UBE2E2: variants seen among roughly 807,000 people sequenced by gnomAD.
The protein encoded by UBE2E2 is ubiquitin conjugating enzyme E2 E2.
UBE2E2 carries 6 observed loss-of-function variants against 24.7 expected under a neutral mutation model. The ratio of observed to expected loss-of-function variants is 0.24; its 90% CI spans 0.13 to 0.48. The LOEUF (loss-of-function observed/expected upper bound fraction) is 0.48. UBE2E2 is among the 20% of genes least tolerant of loss of function. UBE2E2 has a pLI of 0.99. For missense variants in UBE2E2, 169 were observed against 245.0 expected, an observed-to-expected ratio of 0.69 and a Z score of 2.07; for synonymous variants, 104 against 83.6, an observed-to-expected ratio of 1.24 and a Z score of -1.33.
intron 3 of UBE2E2, among the ~76,000 whole-genome samples, chr3:23,239,450 A>C (rs1697202325): frequency 6.7e-6 from 1 of 149,674 alleles, no homozygotes; most frequent in Admixed American, 6.7e-5. Context: ...CCTCCCCCCC[A>C]GCTTCTGGCA....
chr3:23,242,165 C>T (rs573958188), intron 3 of UBE2E2, among the ~76,000 whole-genome samples: 1 of 152,218 alleles, frequency 6.6e-6, no homozygotes, highest in East Asian at 1.9e-4. Flanking sequence ...CTTGACCTCC[C>T]AAATGATCCT....
chr3:23,223,916 T>A (rs57055494), intron 3 of UBE2E2, among the ~76,000 whole-genome samples: 2 of 151,926 alleles, frequency 1.3e-5, no homozygotes, highest in African/African-American at 4.8e-5. Context: ...CTTTTCCCAT[T>A]GCGTGTTATT....
intron 5 of UBE2E2, among the ~76,000 whole-genome samples, chr3:23,546,711 G>A (rs1695532657): frequency 6.6e-6 from 1 of 151,654 alleles, no homozygotes; most frequent in African/African-American, 2.4e-5. Context: ...AACCTCAGGT[G>A]ATCCGCCCAC....
chr3:23,307,102 C>G (rs1036405419), intron 3 of UBE2E2, among the ~76,000 whole-genome samples: 2 of 152,158 alleles, frequency 1.3e-5, no homozygotes, highest in Non-Finnish European at 2.9e-5. Flanking sequence ...AAAGAGTATG[C>G]TAACTTGGAG....
At chr3:23,386,520 G>C (rs1489190747) in intron 3 of UBE2E2, among the ~76,000 whole-genome samples, 1 of 152,156 alleles carries the variant, frequency 6.6e-6, no homozygotes, top group Admixed American at 6.5e-5. Flanking sequence ...AAAGGCGTGA[G>C]TTTATTCTGT....
At chr3:23,456,615 T>C (rs1698685262) in intron 3 of UBE2E2, among the ~76,000 whole-genome samples, 1 of 152,164 alleles carries the variant, frequency 6.6e-6, no homozygotes, top group Non-Finnish European at 1.5e-5. Context: ...AGCAGTAGTG[T>C]TTTGAAGAGA....
chr3:23,532,516 CTT>C (rs1429035374), intron 4 of UBE2E2, 36 bp from the exon 5 acceptor site: 1 of 1,475,782 alleles, frequency 6.8e-7, no homozygotes, highest in Non-Finnish European at 9.2e-7. Context: ...TTAATAAACA[CTT>C]TGTCTAACAA....
intron 3 of UBE2E2, among the ~76,000 whole-genome samples, chr3:23,373,181 CT>C (rs1240243121): frequency 6.6e-6 from 1 of 152,160 alleles, no homozygotes; most frequent in Non-Finnish European, 1.5e-5. Flanking sequence ...AACTTAAAGA[CT>C]CACTACTCTT....
chr3:23,347,773 C>T (rs1305513814), intron 3 of UBE2E2, among the ~76,000 whole-genome samples: 1 of 152,044 alleles, frequency 6.6e-6, no homozygotes, highest in Non-Finnish European at 1.5e-5. Context: ...CTCCCTCTCA[C>T]CAACTACTAC....
intron 3 of UBE2E2, among the ~76,000 whole-genome samples, chr3:23,255,266 T>A (rs1365352788): frequency 6.6e-6 from 1 of 151,286 alleles, no homozygotes; most frequent in Non-Finnish European, 1.5e-5. Flanking sequence ...GTAGTTTTTT[T>A]TTTTTTTGGT....
chr3:23,463,508 G>C (rs1172480554), intron 3 of UBE2E2, among the ~76,000 whole-genome samples: 1 of 151,828 alleles, frequency 6.6e-6, no homozygotes, highest in East Asian at 1.9e-4. Flanking sequence ...CATTACCCCA[G>C]GTCCCACAGA....
chr3:23,427,103 C>T (rs1177188262), intron 3 of UBE2E2, among the ~76,000 whole-genome samples: 4 of 151,604 alleles, frequency 2.6e-5, no homozygotes. Context: ...TTTGCAAACC[C>T]TAGGAGAATC....
intron 3 of UBE2E2, among the ~76,000 whole-genome samples, chr3:23,399,809 A>T (rs753836037): frequency 6.6e-6 from 1 of 152,190 alleles, no homozygotes; most frequent in Non-Finnish European, 1.5e-5. Context: ...TATCATTTGC[A>T]TCATGAAACA....
chr3:23,574,881 C>T (rs62256982), intron 5 of UBE2E2, among the ~76,000 whole-genome samples: 35,682 of 152,120 alleles, frequency 0.23, 4,272 homozygotes, highest in Admixed American at 0.29. Context: ...GTTACCAAGT[C>T]ATTTTCTTTT....
chr3:23,558,005 T>C (rs1241701484), intron 5 of UBE2E2, among the ~76,000 whole-genome samples: 3 of 152,216 alleles, frequency 2.0e-5, no homozygotes, highest in Admixed American at 2.0e-4. Flanking sequence ...CATGGCTGTC[T>C]TACTGCGTTT....
intron 5 of UBE2E2, among the ~76,000 whole-genome samples, chr3:23,586,777 G>A (rs1250054942): frequency 3.9e-5 from 6 of 151,966 alleles, no homozygotes; most frequent in Non-Finnish European, 8.8e-5. Flanking sequence ...CAGGAAATTC[G>A]TTCTTAATTC....
Position 23,228,515 on chromosome 3 carries a change from A to T in UBE2E2, c.227+11203A>T, listed in dbSNP as rs568376447. Reference sequence around the variant, plus strand: ...ATCCTGAAACTGTATTCTTTCATGTATCCAAATTTCTTTACGGTGATTATT... The same window carrying T: ...ATCCTGAAACTGTATTCTTTCATGTTTCCAAATTTCTTTACGGTGATTATT... On this transcript the variant is annotated intron_variant, in intron 3 of 5. Transcript: ENST00000396703. Among the ~76,000 whole-genome samples the T allele has an allele frequency of 9.8e-5, 15 of 152,312 alleles. No individual in the cohort carries two copies. The East Asian group carries it at 2.9e-3, about 29-fold the overall frequency.
intron 3 of UBE2E2, among the ~76,000 whole-genome samples, chr3:23,258,106 T>C (rs1697786280): frequency 6.6e-6 from 1 of 152,150 alleles, no homozygotes; most frequent in South Asian, 2.1e-4. Context: ...AGGAATGGGA[T>C]TGGAATGCTA....
At chr3:23,528,280 A>G (rs1464156232) in intron 4 of UBE2E2, among the ~76,000 whole-genome samples, 1 of 152,210 alleles carries the variant, frequency 6.6e-6, no homozygotes, top group East Asian at 1.9e-4. Flanking sequence ...TGGGTAAACA[A>G]ATTGGTACAT....
Sources: allele counts gnomAD v4.1 joint callset (sites outside exome capture counted in the v4.1 genomes callset), GRCh38; gene constraint gnomAD v4.1.1; transcripts MANE v1.5; gene names NCBI Gene and HGNC (gene_info 2026-07-23, HGNC 2026-07-21).